The following PTPN2 variants were observed in gnomAD, a reference collection of about 807,000 sequenced individuals.
PTPN2 encodes protein tyrosine phosphatase non-receptor type 2, also known as tyrosine-protein phosphatase non-receptor type 2.
A neutral mutation model predicts 57.3 loss-of-function variants in PTPN2; 19 were observed. The observed-to-expected ratio is 0.33, with a 90% confidence interval of 0.23 to 0.49. The LOEUF is 0.49. PTPN2 is among the 20% of genes least tolerant of loss of function. PTPN2 has a pLI of 0.99. For synonymous variants in PTPN2, 153 were observed against 164.9 expected (o/e 0.93, Z 0.55); for missense variants, 358 against 501.1 (o/e 0.71, Z 2.73).
chr18:12,812,936 G>T (rs577842962), intron 7 of PTPN2, among the ~76,000 whole-genome samples: 1 of 151,764 alleles, frequency 6.6e-6, no homozygotes, highest in African/African-American at 2.4e-5. Context: ...CCACAAAAAA[G>T]TGTGTCCAGA....
At chr18:12,841,326 T>TA (rs2043038020) in intron 2 of PTPN2, among the ~76,000 whole-genome samples, 1 of 152,238 alleles carries the variant, frequency 6.6e-6, no homozygotes, top group Admixed American at 6.5e-5. Context: ...TGGGCCGTGC[T>TA]ACAGGCACAG....
At chr18:12,804,289 CAAAAAAAAAAA>C (rs59927276) in intron 7 of PTPN2, among the ~76,000 whole-genome samples, 3 of 67,868 alleles carry the variant, frequency 4.4e-5, no homozygotes, top group African/African-American at 6.4e-5. Context: ...GAAACTGTCT[CAAAAAAAAAAA>C]AAAAAAAAAG....
intron 9 of PTPN2, chr18:12,786,920 G>C (rs1213650861): frequency 1.3e-5 from 2 of 152,118 alleles, no homozygotes; most frequent in Admixed American, 6.5e-5. Flanking sequence ...AACTACTATG[G>C]GTGTTTATTA....
chr18:12,807,586 A>AAAAAAAAAAAAAAATATATATATATATAT, intron 7 of PTPN2, among the ~76,000 whole-genome samples: 1 of 35,196 alleles, frequency 2.8e-5, no homozygotes, highest in Non-Finnish European at 6.1e-5. Flanking sequence ...AAAAAAAAAA[A>AAAAAAAAAAAAAAATATATATATATATAT]ATATATATAT....
chr18:12,844,159 T>C (rs933685117), intron 2 of PTPN2, among the ~76,000 whole-genome samples: 9 of 152,246 alleles, frequency 5.9e-5, no homozygotes, highest in Non-Finnish European at 8.8e-5. Context: ...GTTATGAATA[T>C]ACCATAGTTA....
At position 12,833,994 on chromosome 18, in the gene PTPN2, G is replaced by C. The variant is rs186757303; in HGVS notation, c.261+2797C>G. ...TGAGTTCTCGCATTAAATGGGCAGG[G>C]CTCCTTCAGGACACACACAGCGACA... On this transcript the variant is annotated intron_variant, in intron 3 of 8. Coordinates refer to ENST00000309660, the MANE Select transcript of PTPN2 (RefSeq NM_002828.4). Among the ~76,000 whole-genome samples the C allele has an allele frequency of 2.1e-3, 314 of 152,234 alleles. 3 individuals carry two copies. The highest frequency in any genetic ancestry group is 0.017 in the Middle Eastern group (5 of 294).
At chr18:12,794,877 C>T (rs59691555) in intron 8 of PTPN2, among the ~76,000 whole-genome samples, 2,468 of 152,250 alleles carry the variant, frequency 0.016, 79 homozygotes, top group African/African-American at 0.055. Context: ...CCCGCCTTGG[C>T]CTCCCAAAGT....
intron 2 of PTPN2, chr18:12,841,051 TAAAAAGG>T: frequency 7.8e-7 from 1 of 1,285,008 alleles, no homozygotes; most frequent in Non-Finnish European, 1.0e-6. Context: ...TTGAAGCTTT[TAAAAAGG>T]AAAAAAGAAA....
intron 5 of PTPN2, among the ~76,000 whole-genome samples, chr18:12,825,182 TGTA>T (rs2042405367): frequency 6.6e-6 from 1 of 152,202 alleles, no homozygotes; most frequent in African/African-American, 2.4e-5. Flanking sequence ...TGTGTATGTA[TGTA>T]TGTATGTGTG....
chr18:12,838,694 T>G (rs563755532), intron 2 of PTPN2, among the ~76,000 whole-genome samples: 81 of 152,304 alleles, frequency 5.3e-4, no homozygotes, highest in African/African-American at 1.8e-3. Flanking sequence ...CAGGAAAATT[T>G]TTTTTTATTT....
chr18:12,848,584 T>C (rs910041737), intron 2 of PTPN2, among the ~76,000 whole-genome samples: 24 of 152,196 alleles, frequency 1.6e-4, no homozygotes, highest in Admixed American at 1.4e-3. Context: ...CCAGGTCTCA[T>C]AGAGATGCCT....
intron 7 of PTPN2, among the ~76,000 whole-genome samples, chr18:12,807,588 T>TATAA (rs2041721741): frequency 4.8e-5 from 2 of 42,030 alleles, no homozygotes; most frequent in Non-Finnish European, 1.1e-4. Context: ...AAAAAAAAAA[T>TATAA]ATATATATAT....
At chr18:12,801,860 T>G in intron 8 of PTPN2, 110 bp downstream of exon 8, 1 of 1,055,960 alleles carries the variant, frequency 9.5e-7, no homozygotes, top group Non-Finnish European at 1.4e-6. Flanking sequence ...TGATTGTATT[T>G]TCCTAATATA....
chr18:12,805,175 G>A (rs760907411), intron 7 of PTPN2, among the ~76,000 whole-genome samples: 33 of 152,066 alleles, frequency 2.2e-4, no homozygotes, highest in Admixed American at 8.5e-4. Context: ...TCAACATAGC[G>A]GCTGGGCGTG....
chr18:12,841,475 G>A (rs915342066), intron 2 of PTPN2, among the ~76,000 whole-genome samples: 3 of 152,232 alleles, frequency 2.0e-5, no homozygotes, highest in Admixed American at 1.3e-4. Flanking sequence ...CACTGAAAGC[G>A]TAATCAAAAG....
chr18:12,802,131 A>G lies in PTPN2; in HGVS notation c.879T>C (p.Ser293=). The change falls in exon 8 of 9, where the codon TCT becomes TCC. Residue 293 remains serine (S), a synonymous_variant. Transcript: ENST00000309660. ...SSIQKRWKEL[S]KEDLSPAFDH... The stretch of plus-strand genomic sequence containing the variant: ...CAAAGGCAGGAGATAAGTCTTCCTT[A>G]GAAAGTTCTTTCCATCGTTTCTAGG... 6.2e-7 allele frequency: 1 copy of G among 1,606,856 alleles called. No homozygotes were observed. Among genetic ancestry groups the G allele is most frequent in the South Asian group, 1.1e-5 (1 of 89,212 alleles).
chr18:12,785,750 T>C (rs2040830658), exon 10 of PTPN2: 10 of 1,391,972 alleles, frequency 7.2e-6, no homozygotes, highest in African/African-American at 5.7e-5. Context: ...GTTTCCGGAG[T>C]GGGCTTCAGG....
intron 1 of PTPN2, among the ~76,000 whole-genome samples, chr18:12,871,387 T>TTA (rs10674384): frequency 0.024 from 3,599 of 152,308 alleles, 154 homozygotes; most frequent in African/African-American, 0.082. Context: ...AATGGTATTA[T>TTA]TATAGTCATA....
intron 2 of PTPN2, among the ~76,000 whole-genome samples, chr18:12,838,281 C>A (rs530508715): frequency 1.3e-5 from 2 of 152,144 alleles, no homozygotes; most frequent in Admixed American, 6.5e-5. Flanking sequence ...AGCTAACATG[C>A]GGTAGGAATC....
Sources: allele counts gnomAD v4.1 joint callset (sites outside exome capture counted in the v4.1 genomes callset), GRCh38; gene constraint gnomAD v4.1.1; transcripts MANE v1.5; gene names NCBI Gene and HGNC (gene_info 2026-07-23, HGNC 2026-07-21).